Variants in ATF6 observed in about 807,000 individuals in gnomAD.
The protein encoded by ATF6 is activating transcription factor 6, also known as cyclic AMP-dependent transcription factor ATF-6 alpha.
In ATF6, 53 loss-of-function variants were observed where a neutral mutation model predicts 83.6. The ratio of observed to expected loss-of-function variants is 0.63; its 90% confidence interval spans 0.51 to 0.80. The LOEUF (loss-of-function observed/expected upper bound fraction) is 0.80. ATF6 is among the 30% of genes least tolerant of loss of function. The pLI, the probability that ATF6 is intolerant of heterozygous loss-of-function variation, is 0.00. For missense variants in ATF6, 744 were observed against 797.9 expected (o/e 0.93, Z 0.81); for synonymous variants, 288 against 285.8 (o/e 1.01, Z -0.08).
At chr1:161,854,312 A>G (rs1436216472) in intron 12 of ATF6, among the ~76,000 whole-genome samples, 1 of 152,188 alleles carries the variant, frequency 6.6e-6, no homozygotes, top group African/African-American at 2.4e-5. Context: ...GGTTCCTTCT[A>G]TTGTGTAGCC....
chr1:161,905,911 C>T (rs533049873), intron 14 of ATF6, among the ~76,000 whole-genome samples: 54 of 152,184 alleles, frequency 3.5e-4, no homozygotes, highest in African/African-American at 1.2e-3. Context: ...CGGCTCACTG[C>T]AAGCTCAGCC....
intron 9 of ATF6, among the ~76,000 whole-genome samples, chr1:161,845,418 A>G (rs1309239990): frequency 1.3e-5 from 2 of 152,142 alleles, no homozygotes; most frequent in African/African-American, 2.4e-5. Flanking sequence ...AAGTGCGAAC[A>G]CACACACAAA....
chr1:161,780,048 A>G (rs927197775), intron 2 of ATF6, among the ~76,000 whole-genome samples: 9 of 152,010 alleles, frequency 5.9e-5, no homozygotes, highest in Non-Finnish European at 1.5e-5. Flanking sequence ...AAGGCTGCTT[A>G]ATTTTTTGAT....
chr1:161,785,451 T>C (rs1485824780), intron 4 of ATF6, among the ~76,000 whole-genome samples: 1 of 152,156 alleles, frequency 6.6e-6, no homozygotes, highest in Non-Finnish European at 1.5e-5. Flanking sequence ...CTGTACCTTG[T>C]TTTTTTAGCT....
At chr1:161,939,056 A>G (rs1688592260) in intron 15 of ATF6, among the ~76,000 whole-genome samples, 1 of 152,184 alleles carries the variant, frequency 6.6e-6, no homozygotes, top group Non-Finnish European at 1.5e-5. Flanking sequence ...TCGTCGCTCC[A>G]CTGAAACTAC....
rs184114385 is a variant in ATF6, at chr1:161,774,218, G to T, written c.83-4026G>T. On this transcript the variant is annotated intron_variant, in intron 1 of 15. Transcript: ENST00000367942. ...CATATGCTTGTATTTCTCTTCTGCC[G>T]CTATGAGAATCCTGATTCCCAATAA... Among the ~76,000 whole-genome samples the T allele has an allele frequency of 1.3e-3, 195 of 152,038 alleles. No individual in the cohort carries two copies. In the Middle Eastern group the frequency reaches 0.014, roughly 11 times the overall value.
intron 14 of ATF6, among the ~76,000 whole-genome samples, chr1:161,865,548 A>G (rs898484606): frequency 2.0e-5 from 3 of 152,216 alleles, no homozygotes; most frequent in Admixed American, 6.5e-5. Context: ...TGCATTTGTA[A>G]AAAGTGATTT....
At chr1:161,831,231 A>C (rs1443423614) in intron 9 of ATF6, among the ~76,000 whole-genome samples, 1 of 152,272 alleles carries the variant, frequency 6.6e-6, no homozygotes, top group Non-Finnish European at 1.5e-5. Context: ...AATGCAAATC[A>C]AAACCACAAT....
intron 1 of ATF6, among the ~76,000 whole-genome samples, chr1:161,775,006 G>T (rs1299398643): frequency 6.6e-6 from 1 of 152,144 alleles, no homozygotes; most frequent in African/African-American, 2.4e-5. Flanking sequence ...CTGGGAAAGT[G>T]CAGGGAAAGT....
chr1:161,825,644 G>C (rs1685877547), intron 9 of ATF6, among the ~76,000 whole-genome samples: 1 of 152,188 alleles, frequency 6.6e-6, no homozygotes, highest in Admixed American at 6.5e-5. Flanking sequence ...TAGGGGAAGA[G>C]TGCAGAGCTT....
chr1:161,807,162 G>A (rs1292632688), intron 7 of ATF6, among the ~76,000 whole-genome samples: 1 of 152,150 alleles, frequency 6.6e-6, no homozygotes, highest in Non-Finnish European at 1.5e-5. Context: ...AATAAGACGT[G>A]TAGGAGCAAA....
At chr1:161,847,738 A>G (rs1686517963) in intron 10 of ATF6, among the ~76,000 whole-genome samples, 1 of 152,130 alleles carries the variant, frequency 6.6e-6, no homozygotes, top group South Asian at 2.1e-4. Context: ...GTTAGTGTCC[A>G]CATAAGATCC....
In ATF6 at chr1:161,958,483, G is replaced by A. The variant is rs1558041093; in HGVS notation, c.1842G>A (p.Met614Ile). 1 of 1,612,758 alleles carries A rather than the reference G, an allele frequency of 6.2e-7. No individual in the cohort carries two copies. The highest frequency in any genetic ancestry group is 8.5e-7 in the Non-Finnish European group (1 of 1,179,200). The change falls in exon 16 of 16, where the codon ATG (methionine) becomes ATA (isoleucine). Residue 614 changes from methionine to isoleucine, a missense_variant. Physicochemically the swap from Met to Ile is conservative, Grantham distance 10 (BLOSUM62 1). Coordinates refer to ENST00000367942, the MANE Select transcript of ATF6 (RefSeq NM_007348.4). ...ATGGGCAGGACTACGAAGTGATGAT[G>A]CAGATTGACTGTCAGGTGATGGACA... ...VINGQDYEVM[M>I]QIDCQVMDTR...
At chr1:161,854,456 C>T (rs1686712213) in intron 12 of ATF6, among the ~76,000 whole-genome samples, 1 of 152,184 alleles carries the variant, frequency 6.6e-6, no homozygotes, top group Non-Finnish European at 1.5e-5. Flanking sequence ...TGTCACTTTG[C>T]CCAAACTACT....
At chr1:161,783,788 C>CAT (rs1033832106) in intron 3 of ATF6, among the ~76,000 whole-genome samples, 5 of 151,490 alleles carry the variant, frequency 3.3e-5, no homozygotes, top group East Asian at 3.9e-4. Context: ...CCCCTCCCCA[C>CAT]ATATATATAT....
At chr1:161,955,256 G>C (rs898779314) in intron 15 of ATF6, among the ~76,000 whole-genome samples, 18 of 152,146 alleles carry the variant, frequency 1.2e-4, no homozygotes, top group African/African-American at 4.1e-4. Flanking sequence ...ATCTAAGCCA[G>C]AGTCTTCTCT....
At chr1:161,769,475 T>C (rs1359802862) in intron 1 of ATF6, among the ~76,000 whole-genome samples, 1 of 152,142 alleles carries the variant, frequency 6.6e-6, no homozygotes, top group Non-Finnish European at 1.5e-5. Context: ...CCCCAGCCTT[T>C]TGGCACCAGG....
chr1:161,800,636 C>A (rs12097712), intron 6 of ATF6, among the ~76,000 whole-genome samples: 21,154 of 152,148 alleles, frequency 0.14, 2,100 homozygotes, highest in African/African-American at 0.28. Flanking sequence ...AGCTACTACA[C>A]AACAGCAACA....
At chr1:161,880,324 A>ATG (rs1166753448) in intron 14 of ATF6, among the ~76,000 whole-genome samples, 1 of 147,850 alleles carries the variant, frequency 6.8e-6, no homozygotes, top group South Asian at 2.1e-4. Context: ...TATGTGTGAT[A>ATG]TGTATGTGTG....
Sources: allele counts gnomAD v4.1 joint callset (sites outside exome capture counted in the v4.1 genomes callset), GRCh38; gene constraint gnomAD v4.1.1; transcripts MANE v1.5; gene names NCBI Gene and HGNC (gene_info 2026-07-23, HGNC 2026-07-21).